CHD6: variants seen among roughly 807,000 people sequenced by gnomAD.
CHD6 encodes ATP-dependent chromatin remodeler CHD6.
In CHD6, 50 loss-of-function variants were observed where a neutral mutation model predicts 276.9. That is an observed-to-expected ratio of 0.18 (90% CI 0.14 to 0.23). CHD6 has a LOEUF of 0.23. Ranked by LOEUF, CHD6 falls within the 10% of genes least tolerant of loss-of-function variation. CHD6 has a pLI of 1.00. For missense variants in CHD6, 2,564 were observed against 3,365.8 expected, an observed-to-expected ratio of 0.76 and a Z score of 5.89; for synonymous variants, 1,173 against 1,229.3, an observed-to-expected ratio of 0.95 and a Z score of 0.96.
chr20:41,481,120 AAT>A (rs954195879), intron 16 of CHD6, among the ~76,000 whole-genome samples: 4 of 150,098 alleles, frequency 2.7e-5, no homozygotes, highest in African/African-American at 4.9e-5. Context: ...AAGAAAAAAA[AAT>A]ATATATATAT....
Position 41,445,706 on chromosome 20 carries a change from G to C in CHD6, c.3836C>G (p.Ala1279Gly), listed in dbSNP as rs747158795. 30 of 1,613,656 alleles carry C rather than the reference G, an allele frequency of 1.9e-5. No individual in the cohort carries two copies. The Admixed American group carries it at 4.8e-4, about 26-fold the overall frequency. Residue 1279 changes from alanine (A) to glycine (G), a missense_variant, in exon 25 of 37, where the codon GCT becomes GGT. Ala to Gly is a moderately conservative substitution (Grantham distance 60, BLOSUM62 0). This residue lies in a region of CHD6 where 515 missense variants were observed against 739.5 expected (regional missense o/e 0.70). Coordinates refer to ENST00000373233, the MANE Select transcript of CHD6 (RefSeq NM_032221.5). The part of the protein sequence containing the change: ...YMEIPVDWWD[A>G]EADKSLLIGV... ...AATGAGAAGTGACTTATCGGCTTCAGCATCCCACCAGTCCACTGGGATCTC... is the reference window on the plus strand; with the variant it reads ...AATGAGAAGTGACTTATCGGCTTCACCATCCCACCAGTCCACTGGGATCTC...
intron 16 of CHD6, among the ~76,000 whole-genome samples, chr20:41,478,695 G>A (rs1288735784): frequency 6.6e-6 from 1 of 152,212 alleles, no homozygotes; most frequent in Non-Finnish European, 1.5e-5. Flanking sequence ...GTGGTAGTCT[G>A]AAATGGGAAC....
chr20:41,461,561 TAA>T (rs1168785695), intron 17 of CHD6, among the ~76,000 whole-genome samples: 2 of 152,200 alleles, frequency 1.3e-5, no homozygotes, highest in Non-Finnish European at 2.9e-5. Context: ...CGCTTCCATG[TAA>T]GAAGAGCCTT....
intron 27 of CHD6, among the ~76,000 whole-genome samples, chr20:41,427,729 A>C (rs970822976): frequency 4.6e-5 from 7 of 152,226 alleles, no homozygotes; most frequent in African/African-American, 1.7e-4. Context: ...ATGTTAATGA[A>C]GAGTGAAAAC....
rs1277893298 is a variant in CHD6 at position 41,451,221 on chromosome 20, C to T, written c.3524-116G>A. 11 of 843,546 alleles carry T rather than the reference C, an allele frequency of 1.3e-5. No individual in the cohort carries two copies. In the Admixed American group the frequency reaches 2.5e-4, roughly 19 times the overall value. The allele number at this position is 843,546 out of a possible 1,614,324, so 52.3% of individuals were successfully genotyped here. A position where few individuals can be genotyped will look rare whatever the true frequency, so the allele number is the denominator to read the frequency against. On this transcript the variant is annotated intron_variant, in intron 22 of 36. Transcript: ENST00000373233. The stretch of plus-strand genomic sequence containing the variant: ...CAGAGTTGGGCTGTGCTCTGGATGG[C>T]AGACCCTACTCCTTAGCCCACAGGT...
chr20:41,482,433 T>C, intron 16 of CHD6: 1 of 368,288 alleles, frequency 2.7e-6, no homozygotes, highest in Non-Finnish European at 5.4e-6. Context: ...AATTTGTCAT[T>C]TCTTTTAATC....
intron 1 of CHD6, among the ~76,000 whole-genome samples, chr20:41,613,292 T>C (rs568276645): frequency 2.3e-4 from 35 of 152,332 alleles, no homozygotes; most frequent in African/African-American, 8.4e-4. Flanking sequence ...TCCTAACATA[T>C]TGAATGAAGC....
At chr20:41,571,520 T>C (rs559198541) in intron 1 of CHD6, among the ~76,000 whole-genome samples, 1 of 151,748 alleles carries the variant, frequency 6.6e-6, no homozygotes, top group Non-Finnish European at 1.5e-5. Flanking sequence ...GCCTTCCGAG[T>C]AGCTGGGACT....
intron 29 of CHD6, among the ~76,000 whole-genome samples, chr20:41,424,616 G>T (rs1417636747): frequency 5.3e-5 from 8 of 152,224 alleles, no homozygotes. Flanking sequence ...CAGAAAGAGA[G>T]ATATGACTCA....
intron 33 of CHD6, among the ~76,000 whole-genome samples, chr20:41,415,883 A>G (rs1227958850): frequency 6.6e-6 from 1 of 152,210 alleles, no homozygotes; most frequent in East Asian, 1.9e-4. Context: ...TAAAGCTGCT[A>G]TGCTAGTCCG....
chr20:41,517,308 C>T (rs1183720101), intron 3 of CHD6, among the ~76,000 whole-genome samples: 1 of 152,038 alleles, frequency 6.6e-6, no homozygotes, highest in Non-Finnish European at 1.5e-5. Context: ...GGTAGAGGAT[C>T]AGGAAAAATA....
intron 1 of CHD6, among the ~76,000 whole-genome samples, chr20:41,565,333 A>T (rs1475223081): frequency 6.6e-6 from 1 of 152,076 alleles, no homozygotes; most frequent in Non-Finnish European, 1.5e-5. Context: ...TGACCTCATG[A>T]TCCACCCGCC....
At chr20:41,459,932 CT>C (rs1310433134) in intron 17 of CHD6, among the ~76,000 whole-genome samples, 2 of 152,222 alleles carry the variant, frequency 1.3e-5, no homozygotes, top group African/African-American at 4.8e-5. Flanking sequence ...TGTGGGAAAG[CT>C]TGGAACCTCC....
At chr20:41,500,142 T>C (rs536602411) in intron 5 of CHD6, among the ~76,000 whole-genome samples, 3 of 152,272 alleles carry the variant, frequency 2.0e-5, no homozygotes, top group Non-Finnish European at 2.9e-5. Context: ...ATATGCACAA[T>C]GACCTTTTCA....
intron 1 of CHD6, among the ~76,000 whole-genome samples, chr20:41,592,624 T>C (rs2045675768): frequency 6.6e-6 from 1 of 152,220 alleles, no homozygotes; most frequent in African/African-American, 2.4e-5. Flanking sequence ...CATTTGCTGC[T>C]GTTCAAAGAT....
rs1318442724 is a variant in CHD6, at chr20:41,404,692, C to T, written c.8049G>A (p.Glu2683=). 6.3e-7 allele frequency: 1 copy of T among 1,588,444 alleles called. No homozygotes were observed. Among genetic ancestry groups the T allele is most frequent in the African/African-American group, 1.3e-5 (1 of 74,114 alleles). ...PSCEREPSGD[E]NCAEPSAPLP... ...AAGGGGCACTGGGTTCGGCACAGTT[C>T]TCATCACCGCTGGGCTCCCTTTCAC... Residue 2683 remains glutamate (E), a synonymous_variant, in exon 37 of 37, where the codon GAG becomes GAA. Coordinates refer to ENST00000373233, the MANE Select transcript of CHD6 (RefSeq NM_032221.5).
chr20:41,536,464 T>C (rs1194847971), intron 2 of CHD6, among the ~76,000 whole-genome samples: 1 of 152,162 alleles, frequency 6.6e-6, no homozygotes. Flanking sequence ...TAAGAACTAA[T>C]GAAAAAATTA....
chr20:41,601,330 A>G (rs1255171652), intron 1 of CHD6, among the ~76,000 whole-genome samples: 1 of 151,264 alleles, frequency 6.6e-6, no homozygotes, highest in African/African-American at 2.4e-5. Flanking sequence ...TTGAAACACG[A>G]CTACTACTGG....
intron 14 of CHD6, among the ~76,000 whole-genome samples, 170 bp from the exon 15 acceptor site, chr20:41,484,777 G>A (rs2043373060): frequency 6.6e-6 from 1 of 152,110 alleles, no homozygotes; most frequent in African/African-American, 2.4e-5. Context: ...TAATAGTACT[G>A]AAAGGGAATA....
Sources: allele counts gnomAD v4.1 joint callset (sites outside exome capture counted in the v4.1 genomes callset), GRCh38; gene constraint gnomAD v4.1.1; regional missense constraint gnomAD v4.1.1; transcripts MANE v1.5; gene names NCBI Gene and HGNC (gene_info 2026-07-23, HGNC 2026-07-21).